Variants in COL4A6 observed in about 807,000 individuals in gnomAD.
COL4A6 encodes the protein collagen alpha-6(IV) chain.
COL4A6 carries 59 observed loss-of-function variants against 126.7 expected under a neutral mutation model. The ratio of observed to expected loss-of-function variants is 0.47; its 90% CI spans 0.38 to 0.58. COL4A6 has a LOEUF of 0.58. COL4A6 is among the 20% of genes least tolerant of loss of function. The pLI is 0.00. For missense variants in COL4A6, 1,285 were observed against 1,337.3 expected, an observed-to-expected ratio of 0.96 and a Z score of 0.61; for synonymous variants, 547 against 496.6, an observed-to-expected ratio of 1.10 and a Z score of -1.35.
intron 41 of COL4A6, among the ~76,000 whole-genome samples, chrX:108,162,681 C>G (rs1013890548): frequency 1.8e-5 from 2 of 111,328 alleles, no homozygotes; most frequent in Non-Finnish European, 3.8e-5. Context: ...CTTGCTCTGC[C>G]CTCACATCCT....
chrX:108,279,574 G>A (rs1427985263), intron 3 of COL4A6, among the ~76,000 whole-genome samples: 1 of 111,408 alleles, frequency 9.0e-6, no homozygotes, highest in Non-Finnish European at 1.9e-5. Flanking sequence ...GTCAACATTA[G>A]ACAGATCAAC....
At chrX:108,343,165 A>ATATAGTGTGTGTGTGTGT (rs1377817612) in intron 2 of COL4A6, among the ~76,000 whole-genome samples, 15 of 31,408 alleles carry the variant, frequency 4.8e-4, no homozygotes, top group African/African-American at 1.4e-3. Flanking sequence ...ATATATATAT[A>ATATAGTGTGTGTGTGTGT]GTGTGTGTGT....
chrX:108,187,239 G>A lies in COL4A6; in HGVS notation c.1808C>T (p.Pro603Leu), dbSNP rs1471997852. Residue 603 changes from proline to leucine, a missense_variant, in exon 23 of 45, where the codon CCT (proline) becomes CTT (leucine). Coordinates refer to ENST00000334504, the MANE Select transcript of COL4A6 (RefSeq NM_033641.4). ...GQGFPGEKGL[P>L]GLPGEKGHPG... ...ATGGCCTTTTTCACCAGGAAGTCCA[G>A]GTAACCCCTTTTCACCTGGGAAGCC... The A allele has an allele frequency of 8.5e-7, 1 of 1,182,580 alleles. No individual in the cohort carries two copies. The highest frequency in any genetic ancestry group is 1.1e-6 in the Non-Finnish European group (1 of 877,730).
At chrX:108,214,371 T>A (rs2035801688) in intron 5 of COL4A6, 143 bp from the exon 6 acceptor site, 2 of 456,790 alleles carry the variant, frequency 4.4e-6, no homozygotes, top group Non-Finnish European at 7.6e-6. Context: ...TGTTTGCATG[T>A]CTTTCCTTTA....
chrX:108,206,798 T>C (rs771242838), intron 8 of COL4A6: 1 of 508,211 alleles, frequency 2.0e-6, no homozygotes, highest in African/African-American at 2.3e-5. Context: ...AGCAAACTAC[T>C]GATATATGAA....
At chrX:108,164,442 T>A (rs903397825) in intron 40 of COL4A6, among the ~76,000 whole-genome samples, 158 bp downstream of exon 40, 3 of 111,195 alleles carry the variant, frequency 2.7e-5, no homozygotes, top group Non-Finnish European at 3.8e-5. Flanking sequence ...GGCTGAAGGA[T>A]CCCCAAGGTA....
intron 3 of COL4A6, among the ~76,000 whole-genome samples, chrX:108,295,404 T>C (rs1237207882): frequency 2.7e-5 from 3 of 112,415 alleles, no homozygotes; most frequent in Non-Finnish European, 5.6e-5. Context: ...CCAAGCCAAT[T>C]GGAAAATCAT....
intron 2 of COL4A6, among the ~76,000 whole-genome samples, chrX:108,398,719 A>T (rs2041021843): frequency 9.0e-6 from 1 of 111,575 alleles, no homozygotes; most frequent in Non-Finnish European, 1.9e-5. Flanking sequence ...CCGTTAAGGG[A>T]TCGCCTTCCT....
At chrX:108,412,693 C>T (rs2041355511) in intron 2 of COL4A6, among the ~76,000 whole-genome samples, 1 of 112,047 alleles carries the variant, frequency 8.9e-6, no homozygotes, top group Non-Finnish European at 1.9e-5. Flanking sequence ...TAAAAGGGAG[C>T]CTAGTTAACA....
chrX:108,325,452 T>A (rs1286946199), intron 2 of COL4A6, among the ~76,000 whole-genome samples: 1 of 111,716 alleles, frequency 9.0e-6, no homozygotes, highest in Admixed American at 9.5e-5. Context: ...TTAAAGAAAT[T>A]GAATTTGCAG....
Position 108,160,481 on chromosome X carries a change from C to T in COL4A6, c.4507G>A (p.Ala1503Thr). ...TACCTACCCAGGTCCTGGTTGTGGGCTTTCTCTTGCCCCTCCACAAACAGT... is the reference window on the plus strand; with the variant it reads ...TACCTACCCAGGTCCTGGTTGTGGGTTTTCTCTTGCCCCTCCACAAACAGT... ...SLLFVEGQEK[A>T]HNQDLGFAGS... is the part of the protein sequence containing the mutation. The change falls in exon 43 of 45, where the codon GCC becomes ACC. Residue 1503 changes from alanine to threonine, a missense_variant. Coordinates refer to ENST00000334504, the MANE Select transcript of COL4A6 (RefSeq NM_033641.4). The T allele has an allele frequency of 8.3e-7, 1 of 1,203,029 alleles. No individual in the cohort carries two copies. The highest frequency in any genetic ancestry group is 1.1e-6 in the Non-Finnish European group (1 of 891,199).
At chrX:108,193,808 C>A in intron 16 of COL4A6, 111 bp from the exon 17 acceptor site, 2 of 583,878 alleles carry the variant, frequency 3.4e-6, no homozygotes, top group South Asian at 3.4e-5. Context: ...CCTTCTATAA[C>A]CCCAGATTTT....
At chrX:108,176,155 T>A (rs1375546123) in intron 28 of COL4A6, among the ~76,000 whole-genome samples, 6 of 109,230 alleles carry the variant, frequency 5.5e-5, no homozygotes, top group African/African-American at 2.0e-4. Context: ...CAAAACCCCA[T>A]CTCTACTAAA....
chrX:108,211,429 G>T (rs1250432205), intron 7 of COL4A6, among the ~76,000 whole-genome samples: 1 of 113,228 alleles, frequency 8.8e-6, no homozygotes, highest in Non-Finnish European at 1.9e-5. Flanking sequence ...CTGTTTGTTT[G>T]CTGATCTGTC....
chrX:108,333,417 C>A (rs1379276673), intron 2 of COL4A6, among the ~76,000 whole-genome samples: 1 of 110,909 alleles, frequency 9.0e-6, no homozygotes, highest in Non-Finnish European at 1.9e-5. Context: ...GAACATACCT[C>A]AAAATAATAA....
chrX:108,244,208 T>C (rs913965361), intron 3 of COL4A6, among the ~76,000 whole-genome samples: 3 of 110,184 alleles, frequency 2.7e-5, no homozygotes, highest in African/African-American at 9.9e-5. Context: ...CCATAACATG[T>C]TATTTAGTGT....
At chrX:108,333,864 G>C (rs964328569) in intron 2 of COL4A6, among the ~76,000 whole-genome samples, 1 of 111,030 alleles carries the variant, frequency 9.0e-6, no homozygotes, top group African/African-American at 3.3e-5. Flanking sequence ...CCTACAAGGA[G>C]AACTACAAAA....
intron 3 of COL4A6, among the ~76,000 whole-genome samples, chrX:108,266,898 T>G (rs1013243436): frequency 1.8e-5 from 2 of 111,723 alleles, no homozygotes; most frequent in Non-Finnish European, 3.8e-5. Flanking sequence ...GTCATCAACT[T>G]GACTCAACCT....
chrX:108,310,888 C>A, intron 2 of COL4A6, 60 bp from the exon 3 acceptor site: 1 of 903,707 alleles, frequency 1.1e-6, no homozygotes, highest in Non-Finnish European at 1.6e-6. Context: ...GTTGTCCCAG[C>A]AGACCTAACT....
Sources: allele counts gnomAD v4.1 joint callset (sites outside exome capture counted in the v4.1 genomes callset), GRCh38; gene constraint gnomAD v4.1.1; transcripts MANE v1.5; gene names NCBI Gene and HGNC (gene_info 2026-07-23, HGNC 2026-07-21).